PLA2G2C: variants seen among roughly 807,000 people sequenced by gnomAD.
PLA2G2C encodes phospholipase A2 group IIC, also known as putative inactive group IIC secretory phospholipase A2.
PLA2G2C carries 15 observed loss-of-function variants against 14.3 expected under a neutral mutation model. The observed-to-expected ratio is 1.05, with a 90% CI of 0.70 to 1.62. The LOEUF is 1.62. Ranked by LOEUF, PLA2G2C falls within the 40% of genes most tolerant of loss-of-function variation. PLA2G2C has a pLI of 0.00. For synonymous variants in PLA2G2C, 79 were observed against 67.7 expected, an observed-to-expected ratio of 1.17 and a Z score of -0.82; for missense variants, 162 against 173.2, an observed-to-expected ratio of 0.94 and a Z score of 0.36.
At position 20,172,891 on chromosome 1, in the gene PLA2G2C, G is replaced by A. The variant is rs1032523841; in HGVS notation, c.186C>T (p.Ser62=). ...GIPVDDTDRH[S]PSSPSPYEKL... ...TCTCGTAGGGAGAGGGAGATGAGGG[G>A]CTGTGCCTGGAAGTGGGTCCCTCAG... Residue 62 remains serine (S), a synonymous_variant, in exon 4 of 5, where the codon AGC becomes AGT. Coordinates refer to ENST00000679259, the MANE Select transcript of PLA2G2C (RefSeq NM_001367969.2). 7 of 1,613,362 alleles carry A rather than the reference G, an allele frequency of 4.3e-6. No individual in the cohort carries two copies. The highest frequency in any genetic ancestry group is 5.9e-6 in the Non-Finnish European group (7 of 1,179,536).
At chr1:20,185,290 G>A (rs1225058472) in intron 1 of PLA2G2C, among the ~76,000 whole-genome samples, 2 of 152,170 alleles carry the variant, frequency 1.3e-5, no homozygotes, top group Non-Finnish European at 2.9e-5. Flanking sequence ...TTCAATACCC[G>A]TGTGTAGGTG....
intron 2 of PLA2G2C, among the ~76,000 whole-genome samples, chr1:20,175,993 TCCG>T (rs2018176946): frequency 6.7e-6 from 1 of 149,810 alleles, no homozygotes; most frequent in African/African-American, 2.5e-5. Context: ...CACTGCAACC[TCCG>T]CCTCCCGGGT....
At chr1:20,178,146 C>T (rs2018216057) in intron 1 of PLA2G2C, among the ~76,000 whole-genome samples, 1 of 152,168 alleles carries the variant, frequency 6.6e-6, no homozygotes, top group Admixed American at 6.5e-5. Context: ...CATAGGTAGA[C>T]ACAGAATTCA....
At chr1:20,164,825 G>A (rs2017948998) in intron 4 of PLA2G2C, among the ~76,000 whole-genome samples, 1 of 152,236 alleles carries the variant, frequency 6.6e-6, no homozygotes, top group Non-Finnish European at 1.5e-5. Flanking sequence ...CTGCCAGCGG[G>A]TCCCGCTAAT....
At chr1:20,164,186 C>G in intron 4 of PLA2G2C, 29 bp from the exon 5 acceptor site, 1 of 1,596,232 alleles carries the variant, frequency 6.3e-7, no homozygotes, top group Non-Finnish European at 8.5e-7. Flanking sequence ...TCACTGGGGG[C>G]TCCCAGCCCA....
At chr1:20,172,768 A>G (rs1284966229) in intron 4 of PLA2G2C, 26 bp downstream of exon 4, 2 of 1,583,472 alleles carry the variant, frequency 1.3e-6, no homozygotes, top group African/African-American at 2.7e-5. Context: ...GTTAAAAGAC[A>G]TTTCCATACA....
At chr1:20,186,148 G>C (rs928599435) in intron 1 of PLA2G2C, 2 of 152,710 alleles carry the variant, frequency 1.3e-5, no homozygotes, top group Non-Finnish European at 2.9e-5. Context: ...GGAGCGGAAC[G>C]GCTAGGTGAG....
chr1:20,171,816 C>G (rs1281384780), intron 4 of PLA2G2C, among the ~76,000 whole-genome samples: 3 of 138,650 alleles, frequency 2.2e-5, no homozygotes, highest in Non-Finnish European at 4.5e-5. Flanking sequence ...GGCGGGAGTG[C>G]AGTGGCGCAA....
intron 1 of PLA2G2C, among the ~76,000 whole-genome samples, chr1:20,178,302 T>C (rs146528854): frequency 6.6e-6 from 1 of 152,296 alleles, no homozygotes; most frequent in East Asian, 1.9e-4. Context: ...TAAATCAGGC[T>C]AAATCTGGTA....
chr1:20,172,571 C>G (rs1251084122), intron 4 of PLA2G2C, among the ~76,000 whole-genome samples: 1 of 152,030 alleles, frequency 6.6e-6, no homozygotes, highest in African/African-American at 2.4e-5. Context: ...GGCTCTGGGC[C>G]CCCAGAGAGT....
intron 1 of PLA2G2C, among the ~76,000 whole-genome samples, chr1:20,179,812 C>CTG (rs199906924): frequency 6.7e-6 from 1 of 148,982 alleles, no homozygotes; most frequent in East Asian, 2.0e-4. Context: ...GTTGGCTTCT[C>CTG]TGTGTGTGTG....
chr1:20,171,822 C>T (rs897633804), intron 4 of PLA2G2C, among the ~76,000 whole-genome samples: 6 of 137,438 alleles, frequency 4.4e-5, no homozygotes, highest in East Asian at 2.1e-4. Context: ...AGTGCAGTGG[C>T]GCAATCTCGG....
chr1:20,171,557 C>A (rs2018073752), intron 4 of PLA2G2C, among the ~76,000 whole-genome samples: 1 of 152,088 alleles, frequency 6.6e-6, no homozygotes, highest in South Asian at 2.1e-4. Flanking sequence ...GCCCTGGAAC[C>A]CACTACGGGA....
At chr1:20,171,816 C>T (rs1281384780) in intron 4 of PLA2G2C, among the ~76,000 whole-genome samples, 5 of 138,650 alleles carry the variant, frequency 3.6e-5, no homozygotes, top group Non-Finnish European at 6.1e-5. Context: ...GGCGGGAGTG[C>T]AGTGGCGCAA....
At chr1:20,172,020 C>T (rs1246093574) in intron 4 of PLA2G2C, among the ~76,000 whole-genome samples, 1 of 151,956 alleles carries the variant, frequency 6.6e-6, no homozygotes, top group Non-Finnish European at 1.5e-5. Flanking sequence ...GCCTCGGCCT[C>T]CCAAAGTGCT....
intron 1 of PLA2G2C, among the ~76,000 whole-genome samples, chr1:20,178,182 A>G (rs2100722994): frequency 6.6e-6 from 1 of 152,346 alleles, no homozygotes; most frequent in South Asian, 2.1e-4. Context: ...GGGTAATGAT[A>G]CCCATATTAG....
At chr1:20,184,476 G>A (rs964945231) in intron 1 of PLA2G2C, 2 of 152,252 alleles carry the variant, frequency 1.3e-5, no homozygotes. Flanking sequence ...GATGACCAGA[G>A]TGTGTGAGGG....
At chr1:20,172,742 T>C in intron 4 of PLA2G2C, 52 bp downstream of exon 4, 5 of 1,472,694 alleles carry the variant, frequency 3.4e-6, no homozygotes, top group Non-Finnish European at 4.7e-6. Flanking sequence ...GAGGTGAACG[T>C]TAAGGAAAGG....
At chr1:20,185,331 G>C (rs1486475525) in intron 1 of PLA2G2C, among the ~76,000 whole-genome samples, 1 of 152,186 alleles carries the variant, frequency 6.6e-6, no homozygotes, top group East Asian at 1.9e-4. Flanking sequence ...TCATCAGATG[G>C]AAGGAGAGTA....
Sources: allele counts gnomAD v4.1 joint callset (sites outside exome capture counted in the v4.1 genomes callset), GRCh38; gene constraint gnomAD v4.1.1; transcripts MANE v1.5; gene names NCBI Gene and HGNC (gene_info 2026-07-23, HGNC 2026-07-21).